Variants in TNFRSF21 observed in about 807,000 individuals in gnomAD.
TNFRSF21 encodes the protein TNF receptor superfamily member 21, also known as tumor necrosis factor receptor superfamily member 21.
TNFRSF21 carries 19 observed loss-of-function variants against 45.6 expected under a neutral mutation model. The observed-to-expected ratio is 0.42, with a 90% confidence interval of 0.29 to 0.61. The LOEUF is 0.61. Among genes scored for constraint, TNFRSF21 ranks in the 20% least tolerant of loss-of-function variants. The pLI, the probability that TNFRSF21 is intolerant of heterozygous loss-of-function variation, is 0.23. For synonymous variants in TNFRSF21, 314 were observed against 335.5 expected (o/e 0.94, Z 0.70); for missense variants, 737 against 851.5 (o/e 0.87, Z 1.67).
At chr6:47,267,780 A>C (rs1319546148) in intron 3 of TNFRSF21, among the ~76,000 whole-genome samples, 5 of 152,166 alleles carry the variant, frequency 3.3e-5, no homozygotes, top group African/African-American at 1.2e-4. Flanking sequence ...GACAGGACTG[A>C]TATTCAAAAC....
intron 4 of TNFRSF21, among the ~76,000 whole-genome samples, chr6:47,251,035 T>C (rs9463314): frequency 0.11 from 16,361 of 152,222 alleles, 1,606 homozygotes; most frequent in African/African-American, 0.26. Context: ...ATTTGGGACC[T>C]ATCCCCAAAC....
intron 3 of TNFRSF21, among the ~76,000 whole-genome samples, chr6:47,263,850 T>G (rs183461190): frequency 9.8e-4 from 150 of 152,368 alleles, no homozygotes; most frequent in African/African-American, 3.4e-3. Context: ...AAGAGTGGTA[T>G]GTCTCACAAT....
At chr6:47,239,338 C>T (rs1035572622) in intron 4 of TNFRSF21, among the ~76,000 whole-genome samples, 3 of 150,232 alleles carry the variant, frequency 2.0e-5, no homozygotes, top group Admixed American at 6.6e-5. Context: ...AATAATTCTC[C>T]ACTTCTAATA....
intron 3 of TNFRSF21, among the ~76,000 whole-genome samples, chr6:47,274,967 A>C (rs1361308789): frequency 6.6e-6 from 1 of 152,250 alleles, no homozygotes; most frequent in Non-Finnish European, 1.5e-5. Flanking sequence ...TAGAATGGCA[A>C]TCATTAAAAA....
At position 47,309,830 on chromosome 6, in the gene TNFRSF21, A is replaced by G; in HGVS notation, c.-319T>C. On this transcript the variant is annotated 5_prime_UTR_variant, in exon 1 of 6. Coordinates refer to ENST00000296861, the MANE Select transcript of TNFRSF21 (RefSeq NM_014452.5). The stretch of plus-strand genomic sequence containing the variant: ...AGGACTGGGCGCGAGAGAGCAAAGG[A>G]ACGACTTCCCATAGCGAAGCTTCCA... 3.5e-6 allele frequency: 1 copy of G among 285,284 alleles called. No homozygotes were observed. Among genetic ancestry groups the G allele is most frequent in the Non-Finnish European group, 6.5e-6 (1 of 153,042 alleles). The allele number at this position is 285,284 out of a possible 1,614,324, so 17.7% of individuals were successfully genotyped here.
chr6:47,295,363 C>T (rs761575131), intron 1 of TNFRSF21, among the ~76,000 whole-genome samples: 1 of 152,136 alleles, frequency 6.6e-6, no homozygotes, highest in African/African-American at 2.4e-5. Context: ...TAATTTTTAG[C>T]GGAAAATGAG....
chr6:47,241,480 A>AT (rs1764742457), intron 4 of TNFRSF21, among the ~76,000 whole-genome samples: 1 of 112,592 alleles, frequency 8.9e-6, no homozygotes, highest in Non-Finnish European at 2.3e-5. Context: ...AAATGTACCC[A>AT]ATTTTTTTTT....
rs2113863756 is a variant in TNFRSF21 at position 47,284,446 on chromosome 6, T to G, written c.749-14A>C. 1 of 1,507,554 alleles carries G rather than the reference T, an allele frequency of 6.6e-7. No homozygotes were observed. Among genetic ancestry groups the G allele is most frequent in the South Asian group, 1.4e-5 (1 of 72,086 alleles). 93.4% of individuals were successfully genotyped at this position (1,507,554 alleles called of 1,614,324 possible). A position where few individuals can be genotyped will look rare whatever the true frequency, so the allele number is the denominator to read the frequency against. ...TTGAGTTCATGCCTAGAAAAAAGAG[T>G]AAGGAGGGGGGAAGAGCTTTTCCAT... On this transcript the variant is annotated splice_polypyrimidine_tract_variant and intron_variant, in intron 2 of 5. Coordinates refer to ENST00000296861, the MANE Select transcript of TNFRSF21 (RefSeq NM_014452.5).
Position 47,286,446 on chromosome 6 carries a change from G to A in TNFRSF21, c.246C>T (p.Asn82=). 6.2e-7 allele frequency: 1 copy of A among 1,614,262 alleles called. No homozygotes were observed. Residue 82 remains asparagine, a synonymous_variant, in exon 2 of 6, where the codon AAC becomes AAT. Transcript: ENST00000296861. ...AGTYVSEHCT[N]TSLRVCSSCP... is the part of the protein sequence containing the mutation. ...AACTGCTGCAGACGCGCAGGCTTGT[G>A]TTGGTACAATGCTCAGAGACATAGG...
At chr6:47,268,427 A>G (rs189496734) in intron 3 of TNFRSF21, among the ~76,000 whole-genome samples, 7 of 152,312 alleles carry the variant, frequency 4.6e-5, no homozygotes, top group Non-Finnish European at 2.9e-5. Flanking sequence ...AGTAAAACTG[A>G]GTTAAAGTCA....
rs1764602604 is a variant in TNFRSF21, at chr6:47,232,640, C to T, written c.*125G>A. 2.7e-6 allele frequency: 2 copies of T among 750,298 alleles called. No homozygotes were observed. The highest frequency in any genetic ancestry group is 4.4e-6 in the Non-Finnish European group (2 of 453,894). The allele number at this position is 750,298 out of a possible 1,614,324, so 46.5% of individuals were successfully genotyped here. On this transcript the variant is annotated 3_prime_UTR_variant, in exon 6 of 6. Transcript: ENST00000296861. ...TCTCTGTTAAACACACACACACACA[C>T]ACACACACACACACACACAAACACA...
intron 4 of TNFRSF21, among the ~76,000 whole-genome samples, chr6:47,243,443 GT>G (rs1327152229): frequency 2.0e-5 from 3 of 151,738 alleles, no homozygotes; most frequent in Non-Finnish European, 4.4e-5. Context: ...TTTTGGTTTT[GT>G]TTTTTTCGTG....
intron 1 of TNFRSF21, among the ~76,000 whole-genome samples, chr6:47,295,899 G>A (rs567408462): frequency 1.3e-5 from 2 of 152,292 alleles, no homozygotes; most frequent in South Asian, 4.1e-4. Context: ...TGTGCTGACT[G>A]CAGGACTGGA....
intron 4 of TNFRSF21, among the ~76,000 whole-genome samples, chr6:47,243,933 C>T (rs1392222582): frequency 1.3e-5 from 2 of 152,184 alleles, no homozygotes; most frequent in Non-Finnish European, 2.9e-5. Context: ...GTACTTGCAT[C>T]ATTCTGAATG....
At chr6:47,287,481 T>C (rs1762668374) in intron 1 of TNFRSF21, among the ~76,000 whole-genome samples, 1 of 151,886 alleles carries the variant, frequency 6.6e-6, no homozygotes, top group South Asian at 2.1e-4. Context: ...AGAAGATGTA[T>C]TTTAATAAAA....
At chr6:47,289,623 A>T (rs1762693842) in intron 1 of TNFRSF21, among the ~76,000 whole-genome samples, 1 of 152,150 alleles carries the variant, frequency 6.6e-6, no homozygotes, top group Non-Finnish European at 1.5e-5. Context: ...TTTGAAAATA[A>T]GCCTCAGACA....
At chr6:47,255,442 T>A (rs2113850911) in intron 3 of TNFRSF21, among the ~76,000 whole-genome samples, 1 of 151,902 alleles carries the variant, frequency 6.6e-6, no homozygotes, top group African/African-American at 2.4e-5. Context: ...GTCCTCTGAA[T>A]CAATGTCATG....
At chr6:47,261,168 C>T (rs188721956) in intron 3 of TNFRSF21, among the ~76,000 whole-genome samples, 1 of 152,296 alleles carries the variant, frequency 6.6e-6, no homozygotes, top group Non-Finnish European at 1.5e-5. Context: ...GCTGCAGATA[C>T]AGGGACAGAG....
intron 4 of TNFRSF21, among the ~76,000 whole-genome samples, chr6:47,245,620 C>A (rs1436919701): frequency 6.6e-6 from 1 of 152,046 alleles, no homozygotes; most frequent in South Asian, 2.1e-4. Context: ...TTTAACATCT[C>A]TGAAATAGAG....
Sources: allele counts gnomAD v4.1 joint callset (sites outside exome capture counted in the v4.1 genomes callset), GRCh38; gene constraint gnomAD v4.1.1; transcripts MANE v1.5; gene names NCBI Gene and HGNC (gene_info 2026-07-23, HGNC 2026-07-21).